EARS2: variants seen among roughly 807,000 people sequenced by gnomAD.
The protein encoded by EARS2 is nondiscriminating glutamyl-tRNA synthetase EARS2, mitochondrial.
A neutral mutation model predicts 54.1 loss-of-function variants in EARS2; 50 were observed. That is an observed-to-expected ratio of 0.92 (90% CI 0.74 to 1.17). The LOEUF (loss-of-function observed/expected upper bound fraction) is 1.17. EARS2 is among the 50% of genes most tolerant of loss of function. The pLI, the probability that EARS2 is intolerant of heterozygous loss-of-function variation, is 0.00. For missense variants in EARS2, 673 were observed against 675.0 expected, an observed-to-expected ratio of 1.00 and a Z score of 0.03; for synonymous variants, 298 against 281.0, an observed-to-expected ratio of 1.06 and a Z score of -0.61.
intron 8 of EARS2, 55 bp from the exon 9 acceptor site, chr16:23,524,509 G>C (rs1163533730): frequency 6.7e-7 from 1 of 1,495,898 alleles, no homozygotes; most frequent in Non-Finnish European, 9.3e-7. Flanking sequence ...CTAAAGAACT[G>C]AAGCTCAGCC....
chr16:23,534,956 A>G lies in EARS2; in HGVS notation c.890T>C (p.Phe297Ser). 1 of 1,610,394 alleles carries G rather than the reference A, an allele frequency of 6.2e-7. No individual in the cohort carries two copies. Among genetic ancestry groups the G allele is most frequent in the Non-Finnish European group, 8.5e-7 (1 of 1,177,500 alleles). The change falls in exon 4 of 9, where the codon TTT becomes TCT. Residue 297 changes from phenylalanine to serine, a missense_variant. Physicochemically the swap from Phe to Ser is radical, Grantham distance 155. Around this residue, in one of 3 missense-constraint regions of EARS2, gnomAD observed 338 missense variants for 361.2 expected, o/e 0.94. Transcript: ENST00000449606. ...KRQGDVFLEH[F>S]AADGFLPDSL... ...ATCGGGCAGGAAGCCATCAGCAGCA[A>G]AGTGCTCCAGGAAAACGTCCCCTTG...
chr16:23,525,088 C>T (rs1429742164), intron 8 of EARS2, 156 bp downstream of exon 8: 2 of 930,040 alleles, frequency 2.2e-6, no homozygotes, highest in Non-Finnish European at 3.4e-6. Context: ...ATAGTAGGTA[C>T]TCAATAGTGT....
chr16:23,528,625 G>T (rs4968017), intron 7 of EARS2, among the ~76,000 whole-genome samples: 8 of 152,258 alleles, frequency 5.3e-5, no homozygotes, highest in African/African-American at 1.7e-4. Flanking sequence ...CCCTGGCCAG[G>T]CACTATGGCT....
In EARS2 at chr16:23,535,350, G is replaced by T. The variant is rs751809996; in HGVS notation, c.496C>A (p.Arg166=). 2.5e-6 allele frequency: 4 copies of T among 1,598,720 alleles called. No individual in the cohort carries two copies. Among genetic ancestry groups the T allele is most frequent in the Middle Eastern group, 2.2e-4 (1 of 4,452 alleles). Residue 166 remains arginine (R), a synonymous_variant, in exon 4 of 9, where the codon CGG becomes AGG. Transcript: ENST00000449606. ...RNHQTPRYDN[R]CRNMSQEQVA... ...TGCTCCTGGCTCATGTTCCTGCACCGATTGTCATACCTGATGGGGAGCAGA... is the reference window on the plus strand; with the variant it reads ...TGCTCCTGGCTCATGTTCCTGCACCTATTGTCATACCTGATGGGGAGCAGA...
chr16:23,536,511 A>C (rs1313550574), intron 3 of EARS2, among the ~76,000 whole-genome samples: 1 of 151,770 alleles, frequency 6.6e-6, no homozygotes, highest in Non-Finnish European at 1.5e-5. Flanking sequence ...AACAAAACAA[A>C]ATCAGCCAGG....
chr16:23,541,699 C>CTTT (rs375731589), intron 3 of EARS2, among the ~76,000 whole-genome samples: 111 of 42,234 alleles, frequency 2.6e-3, no homozygotes, highest in Admixed American at 3.5e-3. Flanking sequence ...TGTGGATCTT[C>CTTT]TTTTTTTTTT....
intron 2 of EARS2, among the ~76,000 whole-genome samples, chr16:23,549,437 G>C (rs1189980820): frequency 2.0e-5 from 3 of 152,214 alleles, no homozygotes; most frequent in African/African-American, 2.4e-5. Context: ...GGCCCAGAAG[G>C]CCCAAGCGAG....
rs1965135774 is a variant in EARS2, at chr16:23,520,783, T to G, written c.*3588A>C. On this transcript the variant is annotated 3_prime_UTR_variant, in exon 9 of 9. Coordinates refer to ENST00000449606, the MANE Select transcript of EARS2 (RefSeq NM_001083614.2). The stretch of plus-strand genomic sequence containing the variant: ...GGAAGTAGCAACAGCTTTATTAATT[T>G]CGCTTTTTTATTAATTTCTTGTTGA... 6.6e-6 allele frequency among the ~76,000 whole-genome samples: 1 copy of G among 152,106 alleles called. No individual in the cohort carries two copies. The highest frequency in any genetic ancestry group is 2.4e-5 in the African/African-American group (1 of 41,420).
At chr16:23,524,739 C>G (rs991756788) in intron 8 of EARS2, among the ~76,000 whole-genome samples, 1 of 151,696 alleles carries the variant, frequency 6.6e-6, no homozygotes, top group Non-Finnish European at 1.5e-5. Context: ...CTCTGCCTCC[C>G]AGGTTCAGGC....
chr16:23,546,364 GC>G (rs1206794172), intron 2 of EARS2: 2 of 455,864 alleles, frequency 4.4e-6, no homozygotes, highest in Non-Finnish European at 8.8e-6. Flanking sequence ...AGCTGAGTGG[GC>G]CTGGGTTCAA....
chr16:23,546,533 C>G, intron 2 of EARS2: 1 of 439,930 alleles, frequency 2.3e-6, no homozygotes. Flanking sequence ...GGCCTGTGAC[C>G]GGTGCTCTCT....
intron 1 of EARS2, chr16:23,556,929 T>A (rs1210875713): frequency 3.0e-6 from 2 of 661,660 alleles, no homozygotes; most frequent in South Asian, 1.5e-5. Flanking sequence ...CTACAACACC[T>A]GTTACACAGG....
At chr16:23,548,709 T>C (rs531438489) in intron 2 of EARS2, among the ~76,000 whole-genome samples, 4 of 152,170 alleles carry the variant, frequency 2.6e-5, no homozygotes, top group African/African-American at 4.8e-5. Context: ...AAATCTGACT[T>C]CTAAGCCAAA....
intron 3 of EARS2, among the ~76,000 whole-genome samples, chr16:23,542,630 T>C (rs1471316084): frequency 6.6e-6 from 1 of 152,006 alleles, no homozygotes; most frequent in African/African-American, 2.4e-5. Flanking sequence ...CCTTGCTCAT[T>C]AAAAATAACA....
intron 7 of EARS2, among the ~76,000 whole-genome samples, chr16:23,526,259 C>T (rs1249946529): frequency 3.3e-5 from 5 of 151,492 alleles, no homozygotes; most frequent in Non-Finnish European, 7.4e-5. Flanking sequence ...ATTACAGGCA[C>T]GTGCCACCAC....
intron 1 of EARS2, among the ~76,000 whole-genome samples, chr16:23,554,236 T>C (rs1965741160): frequency 6.6e-6 from 1 of 151,866 alleles, no homozygotes; most frequent in African/African-American, 2.4e-5. Context: ...CCCAGGCTGG[T>C]CTCAAACTCC....
At chr16:23,530,231 T>TCCTCACCCTCTCAC (rs1418381911) in intron 5 of EARS2, among the ~76,000 whole-genome samples, 1 of 152,022 alleles carries the variant, frequency 6.6e-6, no homozygotes, top group East Asian at 1.9e-4. Context: ...GCTCAAGCGA[T>TCCTCACCCTCTCAC]CCTCCCATCT....
intron 7 of EARS2, among the ~76,000 whole-genome samples, chr16:23,527,786 C>A (rs1225391133): frequency 1.3e-5 from 2 of 152,144 alleles, no homozygotes; most frequent in African/African-American, 4.8e-5. Context: ...ATCTCCTGAC[C>A]TCGTGATCGG....
In EARS2 at chr16:23,535,266, C is replaced by T. The variant is rs76634881; in HGVS notation, c.580G>A (p.Val194Met). ...ACCAGGTCCTGGAAGGCTGGCACCA[C>T]CTGCTCCAGGCGGAAGCGGATCGCA... ...KPAIRFRLEQ[V>M]VPAFQDLVYG... is the part of the protein sequence containing the mutation. Residue 194 changes from valine to methionine, a missense_variant, in exon 4 of 9, where the codon GTG (valine) becomes ATG (methionine). Val to Met is a conservative substitution (Grantham distance 21). This residue lies in a region of EARS2 where 316 missense variants were observed against 275.2 expected (regional missense o/e 1.15). Coordinates refer to ENST00000449606, the MANE Select transcript of EARS2 (RefSeq NM_001083614.2). The T allele has an allele frequency of 5.8e-4, 938 of 1,609,368 alleles. 11 individuals are homozygous for T. In the East Asian group the frequency reaches 0.019, roughly 32 times the overall value.
Sources: allele counts gnomAD v4.1 joint callset (sites outside exome capture counted in the v4.1 genomes callset), GRCh38; gene constraint gnomAD v4.1.1; regional missense constraint gnomAD v4.1.1; transcripts MANE v1.5; gene names NCBI Gene and HGNC (gene_info 2026-07-23, HGNC 2026-07-21).